Variants in RNF19A observed in about 807,000 individuals in gnomAD.
The protein encoded by RNF19A is E3 ubiquitin-protein ligase RNF19A.
Under a neutral mutation model 75.7 loss-of-function variants are expected in RNF19A, and 32 were observed. The observed-to-expected ratio is 0.42, with a 90% CI of 0.32 to 0.57. The LOEUF (loss-of-function observed/expected upper bound fraction) is 0.57. Among genes scored for constraint, RNF19A ranks in the 20% least tolerant of loss-of-function variants. The pLI is 0.10. For synonymous variants in RNF19A, 335 were observed against 345.2 expected (o/e 0.97, Z 0.33); for missense variants, 782 against 1,036.3 (o/e 0.75, Z 3.37).
At position 100,317,067 on chromosome 8, in the gene RNF19A, A is replaced by G. The variant is rs971455283; in HGVS notation, c.-242-3695T>C. Among the ~76,000 whole-genome samples, 1 of 151,594 alleles carries G rather than the reference A, an allele frequency of 6.6e-6. No individual in the cohort carries two copies. The highest frequency in any genetic ancestry group is 1.5e-5 in the Non-Finnish European group (1 of 67,814). On this transcript the variant is annotated intron_variant, in intron 1 of 3. Coordinates refer to the RNF19A transcript ENST00000519527. The surrounding 1 kb of genome is among the most constrained non-coding windows in gnomAD (Gnocchi z 4.3). ...CCAGCAGCGCTGCCCGGCTACTCTG[A>G]GTGCGGGGCCTGCCAAGCCCACGCC... is the stretch of plus-strand genomic sequence containing the variant.
At chr8:100,326,475 GT>G (rs368731772) in intron 1 of RNF19A, among the ~76,000 whole-genome samples, 198 of 152,242 alleles carry the variant, frequency 1.3e-3, no homozygotes, top group African/African-American at 4.7e-3. Context: ...TGGGCAGAGG[GT>G]ATTATACTAG....
intron 1 of RNF19A, among the ~76,000 whole-genome samples, chr8:100,304,928 T>A (rs1822005060): frequency 6.6e-6 from 1 of 152,206 alleles, no homozygotes. Flanking sequence ...AAAAAGATGA[T>A]GAATATCCTT....
chr8:100,306,801 C>T (rs1439905170), intron 1 of RNF19A, among the ~76,000 whole-genome samples: 1 of 152,114 alleles, frequency 6.6e-6, no homozygotes, highest in Non-Finnish European at 1.5e-5. Flanking sequence ...TAGACATCTT[C>T]TATCTACTAA....
chr8:100,319,252 T>C (rs1455633398), intron 1 of RNF19A, among the ~76,000 whole-genome samples: 1 of 152,208 alleles, frequency 6.6e-6, no homozygotes, highest in Non-Finnish European at 1.5e-5. Context: ...ATGTTTTATA[T>C]GGTGATTCCT....
chr8:100,266,248 C>T (rs1340691694), intron 5 of RNF19A, among the ~76,000 whole-genome samples: 3 of 152,164 alleles, frequency 2.0e-5, no homozygotes, highest in Non-Finnish European at 4.4e-5. Flanking sequence ...CAAAGCACCA[C>T]AGAATATTAT....
In RNF19A at chr8:100,269,366, A is replaced by G. The variant is rs1015534841; in HGVS notation, c.1029-419T>C. Reference sequence around the variant, plus strand: ...TAAAATTTATGTATGGGAAAATTCAATGAAGTATAAGGTAAGAACCACTGT... The same window carrying G: ...TAAAATTTATGTATGGGAAAATTCAGTGAAGTATAAGGTAAGAACCACTGT... On this transcript the variant is annotated intron_variant, in intron 4 of 9. Coordinates refer to ENST00000341084, the MANE Select transcript of RNF19A (RefSeq NM_183419.4). The surrounding 1 kb of genome is among the most constrained non-coding windows in gnomAD (Gnocchi z 5.7). 5.3e-5 allele frequency among the ~76,000 whole-genome samples: 8 copies of G among 151,774 alleles called. No homozygotes were observed. Among genetic ancestry groups the G allele is most frequent in the Admixed American group, 3.9e-4 (6 of 15,246 alleles).
At chr8:100,282,648 T>G (rs551221749) in intron 2 of RNF19A, among the ~76,000 whole-genome samples, 1 of 132,340 alleles carries the variant, frequency 7.6e-6, no homozygotes, top group African/African-American at 4.1e-5. Flanking sequence ...TGTACTTGTT[T>G]TCTCTGGATA....
rs557192115 is a variant in RNF19A, at chr8:100,317,245, T to C, written c.-242-3873A>G. On this transcript the variant is annotated intron_variant, in intron 1 of 3. Transcript: ENST00000519527. The surrounding 1 kb of genome is among the most constrained non-coding windows in gnomAD (Gnocchi z 4.3). ...GAAAGGGGCTCTCACAGTGCAGTGG[T>C]GGGCTGAAGGGCTCCTCAAATGCCG... is the stretch of plus-strand genomic sequence containing the variant. Among the ~76,000 whole-genome samples the C allele has an allele frequency of 6.6e-6, 1 of 151,484 alleles. No individual in the cohort carries two copies. The highest frequency in any genetic ancestry group is 1.9e-4 in the East Asian group (1 of 5,132).
At chr8:100,286,156 T>C (rs1195151034) in intron 2 of RNF19A, among the ~76,000 whole-genome samples, 3 of 152,184 alleles carry the variant, frequency 2.0e-5, no homozygotes, top group African/African-American at 7.2e-5. Flanking sequence ...TCTGTCAGAA[T>C]ACTGTCTTCT....
At chr8:100,290,682 G>C (rs1389224161) in intron 1 of RNF19A, among the ~76,000 whole-genome samples, 8 of 152,166 alleles carry the variant, frequency 5.3e-5, no homozygotes, top group Non-Finnish European at 1.2e-4. Flanking sequence ...ATCACTTAAT[G>C]ATCAGGATAC....
upstream of RNF19A, among the ~76,000 whole-genome samples, chr8:100,314,414 G>A (rs756878086): frequency 2.6e-5 from 4 of 152,102 alleles, no homozygotes; most frequent in African/African-American, 7.2e-5. The surrounding 1 kb of genome is among the most constrained non-coding windows in gnomAD (Gnocchi z 4.1). Context: ...TGAAAGTTAC[G>A]TAGCTAAGTG....
chr8:100,270,016 A>G lies in RNF19A; in HGVS notation c.884-3T>C. 6.4e-7 allele frequency: 1 copy of G among 1,569,292 alleles called. No homozygotes were observed. The highest frequency in any genetic ancestry group is 1.2e-5 in the South Asian group (1 of 82,746). On this transcript the variant is annotated splice_polypyrimidine_tract_variant and splice_region_variant and intron_variant, in intron 3 of 9. Transcript: ENST00000341084. Reference sequence around the variant, plus strand: ...TGGACATGGCTTTATATCATCAGCTATTGGGAACACAGAGAAATCTATTAA... The same window carrying G: ...TGGACATGGCTTTATATCATCAGCTGTTGGGAACACAGAGAAATCTATTAA...
chr8:100,265,986 G>C (rs1267262721), intron 5 of RNF19A, among the ~76,000 whole-genome samples: 1 of 152,242 alleles, frequency 6.6e-6, no homozygotes, highest in Non-Finnish European at 1.5e-5. Context: ...TAGCACTGAA[G>C]AAGAGAAAAG....
chr8:100,292,060 G>A (rs1423577587), intron 1 of RNF19A, among the ~76,000 whole-genome samples: 1 of 138,626 alleles, frequency 7.2e-6, no homozygotes, highest in Admixed American at 7.9e-5. Flanking sequence ...GGTCACTACA[G>A]AAGCTTAAAG....
chr8:100,258,528 TG>T lies in RNF19A; in HGVS notation c.*27del, dbSNP rs1478369961. The stretch of plus-strand genomic sequence containing the variant: ...ACCAGCTCCAAACACGGTTGTACAG[TG>T]GTAATTATTCTGCAGCATTTATGGG... On this transcript the variant is annotated 3_prime_UTR_variant, in exon 10 of 10. Transcript: ENST00000341084. This position sits in a 1 kb window ranked among gnomAD's most constrained non-coding sequence, Gnocchi z 4.3. 4 of 1,554,930 alleles carry T rather than the reference TG, an allele frequency of 2.6e-6. No homozygotes were observed. Among genetic ancestry groups the T allele is most frequent in the Non-Finnish European group, 2.6e-6 (3 of 1,140,574 alleles).
intron 1 of RNF19A, among the ~76,000 whole-genome samples, chr8:100,319,283 T>C (rs1469193114): frequency 6.6e-6 from 1 of 150,390 alleles, no homozygotes; most frequent in Non-Finnish European, 1.5e-5. Context: ...AGCAAGAATA[T>C]AAATTTTTCT....
chr8:100,296,183 C>T (rs1821553237), intron 1 of RNF19A, among the ~76,000 whole-genome samples: 2 of 152,054 alleles, frequency 1.3e-5, no homozygotes, highest in Admixed American at 1.3e-4. Context: ...CAGCTCACTG[C>T]AACCTCTGCC....
rs1486893654 is a variant in RNF19A, at chr8:100,264,685, G to A, written c.1292C>T (p.Ala431Val). 3 of 1,610,068 alleles carry A rather than the reference G, an allele frequency of 1.9e-6. No homozygotes were observed. Among genetic ancestry groups the A allele is most frequent in the East Asian group, 2.2e-5 (1 of 44,840 alleles). ...CATTTTCTTACCTACAGTCACTGCA[G>A]CTACTACTGGAGACACGATTACAGA... is the stretch of plus-strand genomic sequence containing the variant. ...TLSVIVSPVVAAVTVGIGVPI... is the reference protein window; with the variant it reads ...TLSVIVSPVVVAVTVGIGVPI... The change falls in exon 6 of 10, where the codon GCT (alanine) becomes GTT (valine). Residue 431 changes from alanine to valine, a missense_variant. Physicochemically the swap from Ala to Val is moderately conservative, Grantham distance 64. Around this residue, in one of 7 missense-constraint regions of RNF19A, gnomAD observed 442 missense variants for 541.6 expected, o/e 0.82. Transcript: ENST00000341084. The surrounding 1 kb of genome is among the most constrained non-coding windows in gnomAD (Gnocchi z 4.7).
chr8:100,276,900 T>C (rs1204303022), intron 2 of RNF19A, among the ~76,000 whole-genome samples: 3 of 151,804 alleles, frequency 2.0e-5, no homozygotes, highest in African/African-American at 4.8e-5. Context: ...TTGAGTGAGA[T>C]TGGTAGATTG....
Sources: gnomAD v4.1 joint callset for allele counts (sites outside exome capture counted in the v4.1 genomes callset) on GRCh38, gnomAD v4.1.1 for gene constraint, gnomAD v4.1.1 regional missense constraint, Gnocchi (gnomAD v3.1) non-coding constraint, MANE v1.5 for transcripts, NCBI Gene and HGNC (gene_info 2026-07-23, HGNC 2026-07-21) for gene names.